Variants in KCNH8 observed in about 807,000 individuals in gnomAD.
KCNH8 encodes potassium voltage-gated channel subfamily H member 8.
Under a neutral mutation model 103.6 loss-of-function variants are expected in KCNH8, and 70 were observed. The observed-to-expected ratio is 0.68, with a 90% confidence interval of 0.56 to 0.82. The LOEUF is 0.82. Among genes scored for constraint, KCNH8 ranks in the 40% least tolerant of loss-of-function variants. The pLI is 0.00. For synonymous variants in KCNH8, 498 were observed against 489.4 expected (o/e 1.02, Z -0.23); for missense variants, 1,217 against 1,329.9 (o/e 0.92, Z 1.32).
At chr3:19,416,807 C>A (rs1450518902) in intron 7 of KCNH8, among the ~76,000 whole-genome samples, 1 of 152,106 alleles carries the variant, frequency 6.6e-6, no homozygotes, top group African/African-American at 2.4e-5. Context: ...ATGCACATGG[C>A]TGAATTTTTA....
chr3:19,475,202 G>GA (rs1246339585), intron 11 of KCNH8, among the ~76,000 whole-genome samples: 1 of 152,166 alleles, frequency 6.6e-6, no homozygotes, highest in Non-Finnish European at 1.5e-5. Flanking sequence ...TTTGCTAAAT[G>GA]AAAATAATAG....
Position 19,150,434 on chromosome 3 carries a change from C to T in KCNH8, c.76+1639C>T, listed in dbSNP as rs1019792039. On this transcript the variant is annotated intron_variant, in intron 1 of 15. Coordinates refer to ENST00000328405, the MANE Select transcript of KCNH8 (RefSeq NM_144633.3). ...TGTCTATTGAAAATGAGGTAATTGG[C>T]AAATGGTAATTGTTTATCTCATTGC... Among the ~76,000 whole-genome samples, 5 of 152,058 alleles carry T rather than the reference C, an allele frequency of 3.3e-5. No individual in the cohort carries two copies. In the South Asian group the frequency reaches 1.0e-3, roughly 32 times the overall value.
chr3:19,482,257 C>G (rs1236136324), intron 11 of KCNH8, among the ~76,000 whole-genome samples: 1 of 152,154 alleles, frequency 6.6e-6, no homozygotes, highest in African/African-American at 2.4e-5. Context: ...CTTTAACTAC[C>G]AGGCCCCAGG....
At position 19,217,642 on chromosome 3, in the gene KCNH8, TTAAG is replaced by T. The variant is rs1489278180; in HGVS notation, c.77-36006_77-36003del. Reference sequence around the variant, plus strand: ...ATATGTAAACTGAGGAACAAAGTAATTAAGTAAGTTGCTCAAAATCTCGTAGGTA... The same window carrying T: ...ATATGTAAACTGAGGAACAAAGTAATTAAGTTGCTCAAAATCTCGTAGGTA... On this transcript the variant is annotated intron_variant, in intron 1 of 15. Coordinates refer to ENST00000328405, the MANE Select transcript of KCNH8 (RefSeq NM_144633.3). Among the ~76,000 whole-genome samples the T allele has an allele frequency of 4.6e-5, 7 of 152,160 alleles. No homozygotes were observed. The East Asian group carries it at 1.3e-3, about 29-fold the overall frequency.
chr3:19,258,986 G>A (rs576462911), intron 2 of KCNH8, among the ~76,000 whole-genome samples: 1 of 64,472 alleles, frequency 1.6e-5, no homozygotes, highest in East Asian at 4.4e-4. Flanking sequence ...TATATATCTG[G>A]AAATAATGTG....
At chr3:19,518,222 T>C (rs2068909018) in intron 15 of KCNH8, 148 bp downstream of exon 15, 2 of 602,814 alleles carry the variant, frequency 3.3e-6, no homozygotes, top group Non-Finnish European at 5.8e-6. Flanking sequence ...CTCATGTAAG[T>C]TGTGTGATCT....
intron 3 of KCNH8, among the ~76,000 whole-genome samples, chr3:19,302,821 G>T (rs2065080635): frequency 6.6e-6 from 1 of 152,084 alleles, no homozygotes; most frequent in South Asian, 2.1e-4. Flanking sequence ...TGCATATTAT[G>T]TCTCGTCACT....
intron 15 of KCNH8, among the ~76,000 whole-genome samples, chr3:19,524,520 GCAGATTTATAACTCT>G (rs2069029080): frequency 2.6e-5 from 4 of 151,622 alleles, no homozygotes; most frequent in Non-Finnish European, 5.9e-5. Context: ...GTATAAATAG[GCAGATTTATAACTCT>G]CATGAGAATT....
chr3:19,259,378 T>C (rs2064397905), intron 2 of KCNH8, among the ~76,000 whole-genome samples: 1 of 151,900 alleles, frequency 6.6e-6, no homozygotes. Flanking sequence ...GTAAAAAGTA[T>C]ACTGGGTAAT....
intron 1 of KCNH8, among the ~76,000 whole-genome samples, chr3:19,189,638 A>C (rs941043629): frequency 6.6e-6 from 1 of 152,076 alleles, no homozygotes; most frequent in Non-Finnish European, 1.5e-5. Context: ...AAGATTTAGC[A>C]TACCAAATCT....
At chr3:19,397,757 G>C (rs533207660) in intron 7 of KCNH8, among the ~76,000 whole-genome samples, 36 of 151,838 alleles carry the variant, frequency 2.4e-4, no homozygotes, top group African/African-American at 8.4e-4. Context: ...ACTAGCAAGA[G>C]AGTATGCTAA....
At chr3:19,420,809 TTAGAGA>T (rs1245315639) in intron 7 of KCNH8, among the ~76,000 whole-genome samples, 1 of 151,974 alleles carries the variant, frequency 6.6e-6, no homozygotes, top group African/African-American at 2.4e-5. Context: ...ATTCAGAGAG[TTAGAGA>T]TACTTAAATG....
chr3:19,440,085 A>G (rs1452566109), intron 8 of KCNH8, among the ~76,000 whole-genome samples: 1 of 152,174 alleles, frequency 6.6e-6, no homozygotes, highest in Non-Finnish European at 1.5e-5. Context: ...AGTAGAAAGC[A>G]GGCTAAGGAG....
At position 19,379,509 on chromosome 3, in the gene KCNH8, A is replaced by G. The variant is rs529613127; in HGVS notation, c.812-10972A>G. Among the ~76,000 whole-genome samples, 7 of 152,116 alleles carry G rather than the reference A, an allele frequency of 4.6e-5. 1 individual carries two copies. The highest frequency in any genetic ancestry group is 2.1e-4 in the South Asian group (1 of 4,822). ...CAAAAAATTACTCAGGCGTGGTGGC[A>G]TGCACCTATAGTCCCAGCTGCTTGG... On this transcript the variant is annotated intron_variant, in intron 5 of 15. Coordinates refer to ENST00000328405, the MANE Select transcript of KCNH8 (RefSeq NM_144633.3).
At chr3:19,229,788 T>A (rs993010911) in intron 1 of KCNH8, among the ~76,000 whole-genome samples, 4 of 152,212 alleles carry the variant, frequency 2.6e-5, no homozygotes, top group African/African-American at 7.2e-5. Flanking sequence ...TTTCCCACAT[T>A]TTCCTGCCTT....
At chr3:19,392,365 A>G (rs977984221) in intron 6 of KCNH8, among the ~76,000 whole-genome samples, 21 of 151,142 alleles carry the variant, frequency 1.4e-4, no homozygotes, top group Admixed American at 1.3e-3. Context: ...ATCTGTTACC[A>G]GTGATACTTG....
chr3:19,245,889 A>G (rs2125248062), intron 1 of KCNH8, among the ~76,000 whole-genome samples: 1 of 152,266 alleles, frequency 6.6e-6, no homozygotes, highest in South Asian at 2.1e-4. Flanking sequence ...TTAGCAAAGG[A>G]GATAGTTTGA....
chr3:19,264,080 T>C (rs2064472596), intron 2 of KCNH8, among the ~76,000 whole-genome samples: 1 of 152,070 alleles, frequency 6.6e-6, no homozygotes, highest in South Asian at 2.1e-4. Flanking sequence ...TTGTTCTTTA[T>C]GTTTTGGCAA....
intron 11 of KCNH8, among the ~76,000 whole-genome samples, chr3:19,479,716 A>G (rs918041832): frequency 4.6e-5 from 7 of 152,146 alleles, no homozygotes; most frequent in South Asian, 4.1e-4. Flanking sequence ...CTATTATATG[A>G]TACTTATTAT....
Sources: allele counts gnomAD v4.1 joint callset (sites outside exome capture counted in the v4.1 genomes callset), GRCh38; gene constraint gnomAD v4.1.1; transcripts MANE v1.5; gene names NCBI Gene and HGNC (gene_info 2026-07-23, HGNC 2026-07-21).